Variants in DLGAP1 observed in about 807,000 individuals in gnomAD.
The protein encoded by DLGAP1 is DLG associated protein 1.
Under a neutral mutation model 90.8 loss-of-function variants are expected in DLGAP1, and 11 were observed. The observed-to-expected ratio is 0.12, with a 90% CI of 0.08 to 0.20. The LOEUF (loss-of-function observed/expected upper bound fraction) is 0.20. Among genes scored for constraint, DLGAP1 ranks in the 10% least tolerant of loss-of-function variants. The pLI is 1.00. For missense variants in DLGAP1, 1,050 were observed against 1,333.8 expected (o/e 0.79, Z 3.31); for synonymous variants, 558 against 540.7 (o/e 1.03, Z -0.44).
At chr18:4,104,034 T>C (rs940653317) in intron 2 of DLGAP1, among the ~76,000 whole-genome samples, 2 of 152,176 alleles carry the variant, frequency 1.3e-5, no homozygotes, top group Non-Finnish European at 2.9e-5. Context: ...TTTAATCTAA[T>C]TTGGTATCAG....
At chr18:3,550,598 A>C (rs1481997966) in intron 9 of DLGAP1, among the ~76,000 whole-genome samples, 1 of 152,048 alleles carries the variant, frequency 6.6e-6, no homozygotes, top group Non-Finnish European at 1.5e-5. Context: ...TCCTTATAAA[A>C]ACAGGAGATT....
chr18:3,780,301 AAAC>A (rs545799745), intron 5 of DLGAP1, among the ~76,000 whole-genome samples: 124 of 152,372 alleles, frequency 8.1e-4, no homozygotes, highest in Non-Finnish European at 1.5e-3. Flanking sequence ...TAGTGGATTA[AAAC>A]AACATTACCT....
intron 4 of DLGAP1, among the ~76,000 whole-genome samples, chr18:3,873,866 A>G (rs138684506): frequency 6.6e-6 from 1 of 152,292 alleles, no homozygotes; most frequent in East Asian, 1.9e-4. Context: ...ATCACCAGCC[A>G]TATAATATCC....
chr18:3,839,297 T>C (rs1052627653), intron 4 of DLGAP1, among the ~76,000 whole-genome samples: 2 of 152,160 alleles, frequency 1.3e-5, no homozygotes, highest in African/African-American at 4.8e-5. Context: ...ATAAAATCAA[T>C]AGACTTATAT....
At chr18:4,314,894 T>A (rs1409794568) in intron 1 of DLGAP1, among the ~76,000 whole-genome samples, 1 of 152,210 alleles carries the variant, frequency 6.6e-6, no homozygotes, top group Non-Finnish European at 1.5e-5. Context: ...ATGTGCTGAC[T>A]TCAATAATGT....
chr18:3,662,902 C>T (rs540710872), intron 7 of DLGAP1, among the ~76,000 whole-genome samples: 1 of 152,290 alleles, frequency 6.6e-6, no homozygotes, highest in South Asian at 2.1e-4. Context: ...GAGAGGTCTT[C>T]ATATTGAGAG....
chr18:4,427,099 T>C (rs2083174111), intron 1 of DLGAP1, among the ~76,000 whole-genome samples: 1 of 152,172 alleles, frequency 6.6e-6, no homozygotes, highest in East Asian at 1.9e-4. Flanking sequence ...AAGAAAACTT[T>C]CAGAGTTTTT....
intron 7 of DLGAP1, among the ~76,000 whole-genome samples, chr18:3,702,682 G>A (rs192912206): frequency 3.9e-5 from 6 of 152,318 alleles, no homozygotes; most frequent in Admixed American, 3.9e-4. Context: ...CACACAGCTG[G>A]AAGACTTTAA....
intron 4 of DLGAP1, among the ~76,000 whole-genome samples, chr18:3,843,245 C>T (rs759021255): frequency 1.3e-5 from 2 of 152,196 alleles, no homozygotes; most frequent in Non-Finnish European, 2.9e-5. Flanking sequence ...GCTAAAAATA[C>T]CTTCAAGGGC....
chr18:3,901,533 T>C (rs1453829015), intron 3 of DLGAP1, among the ~76,000 whole-genome samples: 1 of 152,140 alleles, frequency 6.6e-6, no homozygotes, highest in African/African-American at 2.4e-5. Flanking sequence ...TTGGCCACCA[T>C]GCTGCTGGCT....
At chr18:3,718,816 C>T (rs12956513) in intron 7 of DLGAP1, among the ~76,000 whole-genome samples, 21,917 of 151,176 alleles carry the variant, frequency 0.14, 2,062 homozygotes, top group East Asian at 0.36. Context: ...ATCCCAGCTA[C>T]TCAGGAGGCT....
chr18:4,097,278 C>A (rs1391212603), intron 2 of DLGAP1, among the ~76,000 whole-genome samples: 1 of 152,208 alleles, frequency 6.6e-6, no homozygotes, highest in Non-Finnish European at 1.5e-5. Flanking sequence ...TTGCTCTGTT[C>A]TTTTCTGCCT....
intron 5 of DLGAP1, among the ~76,000 whole-genome samples, chr18:3,787,422 A>T (rs1163893176): frequency 2.8e-5 from 4 of 145,050 alleles, no homozygotes; most frequent in Non-Finnish European, 6.0e-5. Context: ...CGGAAGTTGC[A>T]GTGAGCCAAG....
intron 2 of DLGAP1, among the ~76,000 whole-genome samples, chr18:4,068,370 T>C (rs1203558909): frequency 6.6e-6 from 1 of 151,538 alleles, no homozygotes; most frequent in Non-Finnish European, 1.5e-5. Flanking sequence ...TATGTTTATG[T>C]ACGTAGGCAT....
In DLGAP1 at chr18:4,200,867, G is replaced by A. The variant is rs562901128; in HGVS notation, c.-266-49580C>T. Among the ~76,000 whole-genome samples, 22 of 151,990 alleles carry A rather than the reference G, an allele frequency of 1.4e-4. 1 individual carries two copies. The South Asian group carries it at 2.5e-3, about 17-fold the overall frequency. The stretch of plus-strand genomic sequence containing the variant: ...GTTACATCTTGTAAACTACATTTCC[G>A]TTTATCTGACATAAAGGATTTATTT... On this transcript the variant is annotated intron_variant, in intron 1 of 12. Coordinates refer to ENST00000315677, the MANE Select transcript of DLGAP1 (RefSeq NM_004746.4).
intron 5 of DLGAP1, among the ~76,000 whole-genome samples, chr18:3,803,565 C>T (rs1173077961): frequency 2.0e-5 from 3 of 152,020 alleles, no homozygotes; most frequent in Non-Finnish European, 4.4e-5. Context: ...GAGGTGTGGT[C>T]CAAAGAACTA....
chr18:3,732,845 G>T (rs1481956306), intron 6 of DLGAP1, among the ~76,000 whole-genome samples: 1 of 152,048 alleles, frequency 6.6e-6, no homozygotes, highest in African/African-American at 2.4e-5. Flanking sequence ...GGTATTACAA[G>T]AACACAATCT....
intron 1 of DLGAP1, among the ~76,000 whole-genome samples, chr18:4,305,644 C>G (rs186099416): frequency 1.1e-4 from 17 of 151,888 alleles, no homozygotes; most frequent in African/African-American, 3.9e-4. Flanking sequence ...CAACAATTTT[C>G]TAAGTAAAGT....
chr18:4,027,751 G>A (rs1000061156), intron 2 of DLGAP1, among the ~76,000 whole-genome samples: 1 of 152,060 alleles, frequency 6.6e-6, no homozygotes, highest in African/African-American at 2.4e-5. Flanking sequence ...CTTTGTTGTT[G>A]CAAAAACAGA....
Sources: allele counts gnomAD v4.1 joint callset (sites outside exome capture counted in the v4.1 genomes callset), GRCh38; gene constraint gnomAD v4.1.1; transcripts MANE v1.5; gene names NCBI Gene and HGNC (gene_info 2026-07-23, HGNC 2026-07-21).